The following TNS3 variants were observed in gnomAD, a reference collection of about 807,000 sequenced individuals.
The protein encoded by TNS3 is tensin-3.
In TNS3, 45 loss-of-function variants were observed where a neutral mutation model predicts 140.9. That is an observed-to-expected ratio of 0.32 (90% CI 0.25 to 0.41). The LOEUF is 0.41. Ranked by LOEUF, TNS3 falls within the 10% of genes least tolerant of loss-of-function variation. The pLI, the probability that TNS3 is intolerant of heterozygous loss-of-function variation, is 1.00. For synonymous variants in TNS3, 815 were observed against 788.4 expected (o/e 1.03, Z -0.56); for missense variants, 1,716 against 1,906.7 (o/e 0.90, Z 1.86).
intron 20 of TNS3, among the ~76,000 whole-genome samples, 178 bp downstream of exon 20, chr7:47,344,577 T>C (rs1789209270): frequency 6.6e-6 from 1 of 152,212 alleles, no homozygotes; most frequent in Non-Finnish European, 1.5e-5. Context: ...CACCACACAG[T>C]GGATTTCACG....
chr7:47,486,389 TGA>T (rs1370114261), intron 3 of TNS3, among the ~76,000 whole-genome samples: 3 of 152,142 alleles, frequency 2.0e-5, no homozygotes, highest in Admixed American at 6.5e-5. Context: ...TCTCCGTGTG[TGA>T]GTGTATACCT....
intron 28 of TNS3, 134 bp downstream of exon 28, chr7:47,283,563 C>T (rs1386831439): frequency 1.3e-6 from 1 of 773,900 alleles, no homozygotes; most frequent in Admixed American, 4.0e-5. Flanking sequence ...AATACCTAGA[C>T]AGACCCTGGG....
intron 21 of TNS3, 83 bp downstream of exon 21, chr7:47,304,749 A>T (rs1786645222): frequency 1.6e-6 from 2 of 1,268,206 alleles, no homozygotes; most frequent in African/African-American, 3.1e-5. Flanking sequence ...CTGAAGAGCA[A>T]GCCCCCGCTG....
At chr7:47,577,336 G>A (rs1488342223) in intron 1 of TNS3, among the ~76,000 whole-genome samples, 1 of 152,226 alleles carries the variant, frequency 6.6e-6, no homozygotes, top group African/African-American at 2.4e-5. Context: ...GGAAGAGGAA[G>A]GGCAGACAAT....
At chr7:47,428,184 T>C (rs572598682) in intron 9 of TNS3, 128 bp downstream of exon 9, 4 of 571,100 alleles carry the variant, frequency 7.0e-6, no homozygotes, top group African/African-American at 5.8e-5. Flanking sequence ...AACCCAGCAC[T>C]GGGGAATGGG....
intron 8 of TNS3, among the ~76,000 whole-genome samples, chr7:47,433,293 A>G: frequency 6.6e-6 from 1 of 152,266 alleles, no homozygotes; most frequent in Non-Finnish European, 1.5e-5. Context: ...TAACATCGAC[A>G]TCAGCAATTT....
At chr7:47,424,019 G>A (rs1036766091) in intron 10 of TNS3, 82 bp downstream of exon 10, 4 of 1,341,456 alleles carry the variant, frequency 3.0e-6, no homozygotes, top group African/African-American at 2.9e-5. Context: ...TCGGGACAGA[G>A]GAGATGCCTC....
intron 17 of TNS3, among the ~76,000 whole-genome samples, chr7:47,365,428 G>C (rs1350821778): frequency 3.4e-5 from 5 of 147,948 alleles, no homozygotes; most frequent in Middle Eastern, 3.4e-3. Flanking sequence ...CTGGGCGACA[G>C]AGCAAGACTC....
In TNS3 at chr7:47,547,137, C is replaced by T. The variant is rs138129906; in HGVS notation, c.-264-17990G>A. Among the ~76,000 whole-genome samples, 1,109 of 152,228 alleles carry T rather than the reference C, an allele frequency of 7.3e-3. 17 individuals carry two copies. The highest frequency in any genetic ancestry group is 0.026 in the African/African-American group (1,060 of 41,536). ...CAGAGAGAAGATAAAGCCAAGGAGG[C>T]AGTGGACCCTCCAGGGTGAGGAGGG... On this transcript the variant is annotated intron_variant, in intron 1 of 30. Coordinates refer to ENST00000311160, the MANE Select transcript of TNS3 (RefSeq NM_022748.12).
At chr7:47,564,544 G>A (rs1413491625) in intron 1 of TNS3, among the ~76,000 whole-genome samples, 1 of 148,780 alleles carries the variant, frequency 6.7e-6, no homozygotes, top group Non-Finnish European at 1.5e-5. Flanking sequence ...GCTGAGGCAG[G>A]AGAATAGCTT....
chr7:47,280,885 C>A (rs1376615666), intron 28 of TNS3, among the ~76,000 whole-genome samples: 1 of 151,730 alleles, frequency 6.6e-6, no homozygotes, highest in East Asian at 1.9e-4. Flanking sequence ...TGCACTCCAG[C>A]TTGGGCGACA....
chr7:47,347,994 C>T lies in TNS3; in HGVS notation c.2282-1638G>A, dbSNP rs541743614. On this transcript the variant is annotated intron_variant, in intron 17 of 30. Coordinates refer to ENST00000311160, the MANE Select transcript of TNS3 (RefSeq NM_022748.12). ...ATCCTCATCCCCATGGTGCAGTGGTCCTCATCCTCACACTCACCACCCTCC... is the reference window on the plus strand; with the variant it reads ...ATCCTCATCCCCATGGTGCAGTGGTTCTCATCCTCACACTCACCACCCTCC... Among the ~76,000 whole-genome samples the T allele has an allele frequency of 1.3e-4, 20 of 152,318 alleles. No homozygotes were observed. The East Asian group carries it at 3.7e-3, about 28-fold the overall frequency.
At chr7:47,417,166 C>A (rs563284808) in intron 10 of TNS3, among the ~76,000 whole-genome samples, 119 of 152,348 alleles carry the variant, frequency 7.8e-4, no homozygotes, top group African/African-American at 2.6e-3. Context: ...CTGTTCATGG[C>A]AGCATAAGGG....
chr7:47,301,104 A>C (rs1380404002), intron 23 of TNS3, among the ~76,000 whole-genome samples: 1 of 152,120 alleles, frequency 6.6e-6, no homozygotes, highest in Non-Finnish European at 1.5e-5. Flanking sequence ...TCATAAGGAG[A>C]GAGCTTGATT....
At chr7:47,390,126 G>C (rs1038903483) in intron 16 of TNS3, among the ~76,000 whole-genome samples, 3 of 152,244 alleles carry the variant, frequency 2.0e-5, no homozygotes, top group Non-Finnish European at 4.4e-5. Context: ...CGAGGCTGCA[G>C]ACACAAGGCA....
intron 24 of TNS3, 89 bp from the exon 25 acceptor site, chr7:47,293,917 C>T (rs1051505523): frequency 1.6e-6 from 2 of 1,236,586 alleles, no homozygotes; most frequent in South Asian, 1.3e-5. Flanking sequence ...CCAGGAGCTA[C>T]AGTTGAAAAG....
chr7:47,373,689 G>C (rs1439955263), intron 16 of TNS3, among the ~76,000 whole-genome samples: 1 of 152,200 alleles, frequency 6.6e-6, no homozygotes, highest in Non-Finnish European at 1.5e-5. Flanking sequence ...TGGAACTCAG[G>C]CTCACTGAGG....
Position 47,369,047 on chromosome 7 carries a change from C to T in TNS3, c.1599G>A (p.Pro533=), listed in dbSNP as rs576331974. 1.7e-5 allele frequency: 27 copies of T among 1,614,004 alleles called. No homozygotes were observed. Among genetic ancestry groups the T allele is most frequent in the Admixed American group, 3.3e-5 (2 of 60,032 alleles). ...DGFGSNVGED[P]QGTLVPDLGL... The stretch of plus-strand genomic sequence containing the variant: ...CCAGGTCCGGAACGAGGGTGCCCTG[C>T]GGATCTTCACCAACGTTGCTGCCAA... Residue 533 remains proline (P), a synonymous_variant, in exon 17 of 31, where the codon CCG becomes CCA. Coordinates refer to ENST00000311160, the MANE Select transcript of TNS3 (RefSeq NM_022748.12).
chr7:47,293,855 G>C, intron 24 of TNS3, 27 bp from the exon 25 acceptor site: 1 of 1,610,808 alleles, frequency 6.2e-7, no homozygotes, highest in Admixed American at 1.7e-5. Flanking sequence ...AAAGAAAGAA[G>C]AATTTTTTGA....
Sources: gnomAD v4.1 joint callset for allele counts (sites outside exome capture counted in the v4.1 genomes callset) on GRCh38, gnomAD v4.1.1 for gene constraint, MANE v1.5 for transcripts, NCBI Gene and HGNC (gene_info 2026-07-23, HGNC 2026-07-21) for gene names.